CRACD: variants seen among roughly 807,000 people sequenced by gnomAD.
CRACD encodes capping protein inhibiting regulator of actin dynamics.
CRACD carries 56 observed loss-of-function variants against 106.8 expected under a neutral mutation model. The observed-to-expected ratio is 0.52, with a 90% CI of 0.42 to 0.66. The LOEUF (loss-of-function observed/expected upper bound fraction) is 0.66, where lower values mean the gene tolerates loss of function less well. CRACD is among the 30% of genes least tolerant of loss of function. The pLI, the probability that CRACD is intolerant of heterozygous loss-of-function variation, is 0.00. For synonymous variants in CRACD, 754 were observed against 670.8 expected, an observed-to-expected ratio of 1.12 and a Z score of -1.92; for missense variants, 1,730 against 1,623.2, an observed-to-expected ratio of 1.07 and a Z score of -1.13.
rs17086397 is a variant in CRACD, at chr4:56,186,478, A to T, written c.-189+7048A>T. The stretch of plus-strand genomic sequence containing the variant: ...AGATATCTCTTCCAGGAGCTTGAAA[A>T]CACCAACTTTAGAGTAACTAGTTTG... On this transcript the variant is annotated intron_variant, in intron 2 of 10. Coordinates refer to ENST00000682029, the MANE Select transcript of CRACD (RefSeq NM_001393381.1). Among the ~76,000 whole-genome samples, 1,187 of 152,286 alleles carry T rather than the reference A, an allele frequency of 7.8e-3. 12 individuals carry two copies. The highest frequency in any genetic ancestry group is 0.026 in the African/African-American group (1,084 of 41,572).
intron 2 of CRACD, among the ~76,000 whole-genome samples, chr4:56,233,854 AT>A (rs1739789793): frequency 6.6e-6 from 1 of 152,048 alleles, no homozygotes; most frequent in African/African-American, 2.4e-5. Flanking sequence ...TTATTAAGTT[AT>A]TTTTTATTTC....
intron 1 of CRACD, among the ~76,000 whole-genome samples, chr4:56,065,183 G>A (rs1732425040): frequency 6.6e-6 from 1 of 152,024 alleles, no homozygotes; most frequent in Admixed American, 6.6e-5. Context: ...CACCTCCCAG[G>A]TTCAAGCAAT....
chr4:56,274,032 C>G (rs561213903), intron 3 of CRACD, among the ~76,000 whole-genome samples: 2 of 152,282 alleles, frequency 1.3e-5, no homozygotes, highest in South Asian at 2.1e-4. Context: ...TTTGTTAGTC[C>G]TGATACTGAC....
At chr4:56,320,209 G>A (rs1745988934) in intron 8 of CRACD, among the ~76,000 whole-genome samples, 1 of 151,884 alleles carries the variant, frequency 6.6e-6, no homozygotes, top group Non-Finnish European at 1.5e-5. Flanking sequence ...ACGTACTTAG[G>A]GTGGATAAAA....
chr4:56,110,154 C>G (rs1734070407), intron 1 of CRACD, among the ~76,000 whole-genome samples: 1 of 152,090 alleles, frequency 6.6e-6, no homozygotes, highest in Admixed American at 6.6e-5. Flanking sequence ...AAACTTCTTG[C>G]CAACACTGTT....
Position 56,314,625 on chromosome 4 carries a change from C to A in CRACD, c.1123C>A (p.Gln375Lys). 6.5e-7 allele frequency: 1 copy of A among 1,537,616 alleles called. No individual in the cohort carries two copies. Among genetic ancestry groups the A allele is most frequent in the South Asian group, 1.2e-5 (1 of 82,402 alleles). ...EAEGWEELEQ[Q>K]EAEVQGPPEA... is the part of the protein sequence containing the mutation. ...TGAGGGATGGGAAGAGCTGGAACAGCAGGAGGCGGAGGTGCAGGGGCCGCC... is the reference window on the plus strand; with the variant it reads ...TGAGGGATGGGAAGAGCTGGAACAGAAGGAGGCGGAGGTGCAGGGGCCGCC... Residue 375 changes from glutamine (Q) to lysine (K), a missense_variant, in exon 8 of 11, where the codon CAG becomes AAG. By Grantham distance (53) the Gln-to-Lys change is moderately conservative. Around this residue, in one of 5 missense-constraint regions of CRACD, gnomAD observed 1,620 missense variants for 1,481.6 expected, o/e 1.09. Transcript: ENST00000682029. This position sits in a 1 kb window ranked among gnomAD's most constrained non-coding sequence, Gnocchi z 4.4.
At chr4:56,140,226 C>G (rs1263854640) in intron 1 of CRACD, among the ~76,000 whole-genome samples, 1 of 152,202 alleles carries the variant, frequency 6.6e-6, no homozygotes, top group Non-Finnish European at 1.5e-5. Context: ...AAGACCTGCC[C>G]GTCTCTCAGG....
intron 1 of CRACD, among the ~76,000 whole-genome samples, chr4:56,110,742 A>G (rs1004610311): frequency 1.3e-5 from 2 of 152,008 alleles, no homozygotes; most frequent in African/African-American, 4.8e-5. Flanking sequence ...GATTACAGGC[A>G]CCCGCCATCA....
intron 2 of CRACD, among the ~76,000 whole-genome samples, chr4:56,264,117 A>G (rs1741864878): frequency 6.6e-6 from 1 of 152,126 alleles, no homozygotes; most frequent in African/African-American, 2.4e-5. Flanking sequence ...GAAGGGGAAA[A>G]TGCTACACAC....
intron 2 of CRACD, among the ~76,000 whole-genome samples, chr4:56,247,525 T>C (rs999946342): frequency 1.3e-5 from 2 of 152,092 alleles, no homozygotes; most frequent in African/African-American, 4.8e-5. Context: ...TTCCAATTAA[T>C]AAATAGGAGA....
At chr4:56,104,122 C>A (rs910694892) in intron 1 of CRACD, among the ~76,000 whole-genome samples, 1 of 152,196 alleles carries the variant, frequency 6.6e-6, no homozygotes, top group South Asian at 2.1e-4. Context: ...ATTGTCTTCG[C>A]GCAGTAGCTC....
chr4:56,056,326 G>A (rs889294692), intron 1 of CRACD, among the ~76,000 whole-genome samples: 5 of 152,228 alleles, frequency 3.3e-5, no homozygotes, highest in African/African-American at 9.6e-5. Context: ...CTTCTTCTAA[G>A]TAGACCTTGA....
At chr4:56,081,376 G>T (rs1733021662) in intron 1 of CRACD, among the ~76,000 whole-genome samples, 1 of 152,118 alleles carries the variant, frequency 6.6e-6, no homozygotes. Context: ...AAGCATTTTT[G>T]TGTGTGTGTT....
At chr4:56,086,069 A>G (rs1274832634) in intron 1 of CRACD, among the ~76,000 whole-genome samples, 1 of 152,170 alleles carries the variant, frequency 6.6e-6, no homozygotes. Context: ...CAAACAGATG[A>G]GAGGAATGGC....
chr4:56,323,654 T>G, intron 9 of CRACD, 87 bp downstream of exon 9: 3 of 1,267,434 alleles, frequency 2.4e-6, no homozygotes, highest in Non-Finnish European at 3.2e-6. Context: ...AAAGGCTAGC[T>G]GGGCTGGTGG....
intron 1 of CRACD, among the ~76,000 whole-genome samples, chr4:56,084,600 C>CAG (rs1282252357): frequency 6.6e-6 from 1 of 152,126 alleles, no homozygotes; most frequent in Non-Finnish European, 1.5e-5. Flanking sequence ...AGCACCAAGA[C>CAG]AGAACAAGGC....
At chr4:56,118,850 A>G (rs528726784) in intron 1 of CRACD, among the ~76,000 whole-genome samples, 1 of 152,328 alleles carries the variant, frequency 6.6e-6, no homozygotes, top group Admixed American at 6.5e-5. Flanking sequence ...TTCTCCATCA[A>G]GTTCTTTTAT....
intron 1 of CRACD, among the ~76,000 whole-genome samples, chr4:56,112,223 C>T (rs543989212): frequency 3.6e-4 from 55 of 152,196 alleles, no homozygotes; most frequent in Non-Finnish European, 5.4e-4. Flanking sequence ...TAGATAGCAG[C>T]GAGAGAAAGT....
intron 1 of CRACD, among the ~76,000 whole-genome samples, chr4:56,056,615 A>T (rs1205117194): frequency 6.6e-6 from 1 of 151,842 alleles, no homozygotes; most frequent in Non-Finnish European, 1.5e-5. Context: ...AAAACAAACA[A>T]AAAAAACACC....
Sources: gnomAD v4.1 joint callset for allele counts (sites outside exome capture counted in the v4.1 genomes callset) on GRCh38, gnomAD v4.1.1 for gene constraint, gnomAD v4.1.1 regional missense constraint, Gnocchi (gnomAD v3.1) non-coding constraint, MANE v1.5 for transcripts, NCBI Gene and HGNC (gene_info 2026-07-23, HGNC 2026-07-21) for gene names.